Variants in STARD3 observed in about 807,000 individuals in gnomAD.
STARD3 encodes stAR-related lipid transfer protein 3.
STARD3 carries 39 observed loss-of-function variants against 62.0 expected under a neutral mutation model. The observed-to-expected ratio is 0.63, with a 90% confidence interval of 0.49 to 0.82. STARD3 has a LOEUF of 0.82. Ranked by LOEUF, STARD3 falls within the 40% of genes least tolerant of loss-of-function variation. The pLI is 0.00. For synonymous variants in STARD3, 229 were observed against 242.4 expected, an observed-to-expected ratio of 0.94 and a Z score of 0.51; for missense variants, 543 against 584.5, an observed-to-expected ratio of 0.93 and a Z score of 0.73.
intron 1 of STARD3, among the ~76,000 whole-genome samples, chr17:39,639,714 A>G (rs891294782): frequency 1.3e-5 from 2 of 152,176 alleles, no homozygotes; most frequent in African/African-American, 4.8e-5. Flanking sequence ...GGGGGCAACT[A>G]TGCTCCGGAG....
chr17:39,662,444 G>A, intron 14 of STARD3, 100 bp downstream of exon 14: 1 of 1,171,726 alleles, frequency 8.5e-7, no homozygotes, highest in Non-Finnish European at 1.2e-6. Flanking sequence ...TGCCATGCCT[G>A]GGCCTCCCCT....
intron 1 of STARD3, 34 bp from the exon 2 acceptor site, chr17:39,653,447 G>A: frequency 6.9e-7 from 1 of 1,440,056 alleles, no homozygotes; most frequent in Non-Finnish European, 9.4e-7. Flanking sequence ...GACAGGAGGA[G>A]TTTGACAGGA....
intron 1 of STARD3, among the ~76,000 whole-genome samples, chr17:39,640,854 A>G (rs2056977523): frequency 6.6e-6 from 1 of 152,152 alleles, no homozygotes; most frequent in Admixed American, 6.5e-5. Context: ...TCTTGTTTCT[A>G]TTTGGCTTAA....
rs2145038899 is a variant in STARD3 at position 39,660,356 on chromosome 17, C to T, written c.859-75C>T. Reference sequence around the variant, plus strand: ...GTGCCGAGGGGCCCTCTGGTGGGTGCCCCCCACCAAGAGGGAAGGGTTGGT... The same window carrying T: ...GTGCCGAGGGGCCCTCTGGTGGGTGTCCCCCACCAAGAGGGAAGGGTTGGT... On this transcript the variant is annotated intron_variant, in intron 10 of 14. Coordinates refer to ENST00000336308, the MANE Select transcript of STARD3 (RefSeq NM_006804.4). This position sits in a 1 kb window ranked among gnomAD's most constrained non-coding sequence, Gnocchi z 4.8. 2.5e-6 allele frequency: 4 copies of T among 1,601,964 alleles called. No homozygotes were observed. The highest frequency in any genetic ancestry group is 1.3e-5 in the African/African-American group (1 of 74,808).
At chr17:39,652,686 A>G in intron 1 of STARD3, 1 of 152,830 alleles carries the variant, frequency 6.5e-6, no homozygotes, top group Non-Finnish European at 1.5e-5. Flanking sequence ...AGACAGAGAG[A>G]AGGGCTGGGC....
intron 1 of STARD3, among the ~76,000 whole-genome samples, chr17:39,649,307 G>GT (rs2057055045): frequency 6.6e-6 from 1 of 152,188 alleles, no homozygotes; most frequent in Admixed American, 6.5e-5. Context: ...TCTTGAAGAT[G>GT]TATTTCCAAC....
In STARD3 at chr17:39,664,016, C is replaced by G. The variant is rs1217036820; in HGVS notation, c.*1108C>G. On this transcript the variant is annotated 3_prime_UTR_variant, in exon 15 of 15. Coordinates refer to ENST00000336308, the MANE Select transcript of STARD3 (RefSeq NM_006804.4). ...TCCTCCCTCCCGGCTGGCCTGCCCC[C>G]TTGCCTGCCTGCATGCAGGCTTCCA... Among the ~76,000 whole-genome samples the G allele has an allele frequency of 6.6e-6, 1 of 152,204 alleles. No individual in the cohort carries two copies. Among genetic ancestry groups the G allele is most frequent in the Non-Finnish European group, 1.5e-5 (1 of 68,026 alleles).
intron 2 of STARD3, 85 bp downstream of exon 2, chr17:39,653,835 C>T (rs2057101474): frequency 2.6e-6 from 4 of 1,514,988 alleles, no homozygotes; most frequent in African/African-American, 2.7e-5. Flanking sequence ...GGAGGGCTGC[C>T]TCTCCCCTGG....
intron 2 of STARD3, among the ~76,000 whole-genome samples, chr17:39,656,397 A>T (rs2057130312): frequency 6.6e-6 from 1 of 152,038 alleles, no homozygotes. Context: ...TGGACATTGG[A>T]GTCAGGGCCA....
intron 13 of STARD3, 139 bp from the exon 14 acceptor site, chr17:39,662,112 C>A (rs2057205551): frequency 4.1e-6 from 3 of 724,688 alleles, no homozygotes; most frequent in East Asian, 5.4e-5. Flanking sequence ...AAGCCTTGTT[C>A]AGATAGGGTA....
chr17:39,653,340 C>T, intron 1 of STARD3, 141 bp from the exon 2 acceptor site: 1 of 623,100 alleles, frequency 1.6e-6, no homozygotes, highest in African/African-American at 1.8e-5. Context: ...TGGTGGAGGA[C>T]ATTTGGGCAA....
intron 1 of STARD3, among the ~76,000 whole-genome samples, chr17:39,649,285 T>G (rs2057054862): frequency 6.6e-6 from 1 of 152,200 alleles, no homozygotes; most frequent in South Asian, 2.1e-4. Flanking sequence ...CAATACCACT[T>G]CTAGGAATCT....
chr17:39,648,373 A>T (rs2057046372), intron 1 of STARD3, among the ~76,000 whole-genome samples: 1 of 152,184 alleles, frequency 6.6e-6, no homozygotes, highest in Non-Finnish European at 1.5e-5. Context: ...AGGCTGAGGC[A>T]GGAGGATCAC....
chr17:39,662,953 C>A lies in STARD3; in HGVS notation c.*45C>A. 2 of 1,559,874 alleles carry A rather than the reference C, an allele frequency of 1.3e-6. No individual in the cohort carries two copies. Among genetic ancestry groups the A allele is most frequent in the South Asian group, 1.2e-5 (1 of 86,268 alleles). On this transcript the variant is annotated 3_prime_UTR_variant, in exon 15 of 15. Coordinates refer to ENST00000336308, the MANE Select transcript of STARD3 (RefSeq NM_006804.4). Reference sequence around the variant, plus strand: ...GCGGGCCAGGGTCCTGTCGCCACCACTTCCAGAGCCAGAAAGGGTGCCAGT... The same window carrying A: ...GCGGGCCAGGGTCCTGTCGCCACCAATTCCAGAGCCAGAAAGGGTGCCAGT...
intron 5 of STARD3, 112 bp from the exon 6 acceptor site, chr17:39,658,293 C>A: frequency 2.0e-6 from 2 of 1,020,310 alleles, no homozygotes; most frequent in Non-Finnish European, 3.0e-6. Context: ...CAAGCAGCTG[C>A]TACCAGGAAT....
In STARD3 at chr17:39,662,363, G is replaced by C. The variant is rs2057209824; in HGVS notation, c.1233+19G>C. The C allele has an allele frequency of 5.0e-6, 8 of 1,610,332 alleles. No individual in the cohort carries two copies. The highest frequency in any genetic ancestry group is 6.8e-6 in the Non-Finnish European group (8 of 1,177,878). On this transcript the variant is annotated intron_variant, in intron 14 of 14. Transcript: ENST00000336308. ...TCTCAAGGTGGGGTGCTGGGGGGCT[G>C]CCAGGTGGGTTCTGTGGAGTGGAGG...
chr17:39,652,427 A>G (rs947789078), intron 1 of STARD3: 3 of 152,284 alleles, frequency 2.0e-5, no homozygotes, highest in Non-Finnish European at 2.9e-5. Flanking sequence ...ACAGTGAAAT[A>G]AAACAATAAA....
intron 1 of STARD3, chr17:39,653,191 A>T: frequency 2.6e-6 from 1 of 383,264 alleles, no homozygotes; most frequent in Non-Finnish European, 4.9e-6. Context: ...GGGATCCAGG[A>T]GGGGGTAGGT....
At chr17:39,642,381 T>C (rs1412517121) in intron 1 of STARD3, among the ~76,000 whole-genome samples, 1 of 152,178 alleles carries the variant, frequency 6.6e-6, no homozygotes, top group Non-Finnish European at 1.5e-5. Context: ...GCCTGGGCTC[T>C]GGGCAGGGAA....
Sources: allele counts gnomAD v4.1 joint callset (sites outside exome capture counted in the v4.1 genomes callset), GRCh38; gene constraint gnomAD v4.1.1; non-coding constraint Gnocchi (gnomAD v3.1); transcripts MANE v1.5; gene names NCBI Gene and HGNC (gene_info 2026-07-23, HGNC 2026-07-21).